RIGI: variants seen among roughly 807,000 people sequenced by gnomAD.
RIGI encodes the protein RNA sensor RIG-I.
the RIGI span, among the ~76,000 whole-genome samples, chr9:32,459,994 C>T: frequency 6.6e-6 from 1 of 151,576 alleles, no homozygotes; most frequent in African/African-American, 2.4e-5. Context: ...TGTATCTTAA[C>T]AGAATTCCCA....
the RIGI span, among the ~76,000 whole-genome samples, chr9:32,504,918 ATT>A: frequency 7.2e-6 from 1 of 138,804 alleles, no homozygotes; most frequent in Admixed American, 7.8e-5. Context: ...TATTATATCT[ATT>A]ATATATAGAT....
chr9:32,503,172 T>C, the RIGI span, among the ~76,000 whole-genome samples: 1 of 152,102 alleles, frequency 6.6e-6, no homozygotes, highest in Admixed American at 6.6e-5. Context: ...CTGCTTGAGC[T>C]TCCTTTCAAC....
At chr9:32,505,023 T>A in the RIGI span, among the ~76,000 whole-genome samples, 1 of 91,252 alleles carries the variant, frequency 1.1e-5, no homozygotes, top group Non-Finnish European at 2.8e-5. Flanking sequence ...AATATATATC[T>A]ATTATATACA....
At chr9:32,522,573 T>C in the RIGI span, among the ~76,000 whole-genome samples, 3 of 152,188 alleles carry the variant, frequency 2.0e-5, no homozygotes, top group Non-Finnish European at 4.4e-5. Flanking sequence ...AAGCCAAGTA[T>C]ATGTAACTGA....
chr9:32,479,136 CT>C, the RIGI span, among the ~76,000 whole-genome samples: 3 of 152,142 alleles, frequency 2.0e-5, no homozygotes, highest in Admixed American at 2.0e-4. Context: ...CATTGCAACC[CT>C]TGGTTGGCCA....
At chr9:32,486,495 C>G in the RIGI span, among the ~76,000 whole-genome samples, 1 of 148,782 alleles carries the variant, frequency 6.7e-6, no homozygotes, top group African/African-American at 2.5e-5. Flanking sequence ...CGCAAAGTGT[C>G]ACAAAACACA....
At chr9:32,458,907 T>G in the RIGI span, among the ~76,000 whole-genome samples, 1,603 of 150,172 alleles carry the variant, frequency 0.011, 29 homozygotes, top group African/African-American at 0.038. Context: ...TTTTTTTTTT[T>G]GAGACAGAGT....
the RIGI span, among the ~76,000 whole-genome samples, chr9:32,467,476 G>C: frequency 3.3e-5 from 5 of 152,170 alleles, no homozygotes; most frequent in Admixed American, 3.3e-4. Flanking sequence ...ACCATGAAAG[G>C]TTTACATGTT....
chr9:32,485,261 G>T, the RIGI span: 1 of 1,598,732 alleles, frequency 6.3e-7, no homozygotes, highest in Non-Finnish European at 8.5e-7. Context: ...GCTAATCCGT[G>T]ATTCCACTTT....
the RIGI span, among the ~76,000 whole-genome samples, chr9:32,472,802 T>C: frequency 6.6e-6 from 1 of 152,210 alleles, no homozygotes; most frequent in South Asian, 2.1e-4. Flanking sequence ...CCTACTGCTT[T>C]TGCTTCTGTG....
the RIGI span, among the ~76,000 whole-genome samples, chr9:32,511,405 A>C: frequency 5.3e-5 from 8 of 152,238 alleles, no homozygotes; most frequent in African/African-American, 1.9e-4. Flanking sequence ...GTGCAATCAA[A>C]TTAGAACTGA....
the RIGI span, among the ~76,000 whole-genome samples, chr9:32,476,701 G>GAGT: frequency 6.6e-6 from 1 of 151,080 alleles, no homozygotes; most frequent in African/African-American, 2.4e-5. Context: ...CTGGAGTGCA[G>GAGT]AGTACGCTGT....
the RIGI span, among the ~76,000 whole-genome samples, chr9:32,518,766 C>T: frequency 6.6e-6 from 1 of 152,242 alleles, no homozygotes; most frequent in Non-Finnish European, 1.5e-5. Flanking sequence ...CATTGCTTCA[C>T]ACTGTATTTG....
chr9:32,470,741 T>C, the RIGI span, among the ~76,000 whole-genome samples: 2 of 152,376 alleles, frequency 1.3e-5, no homozygotes, highest in South Asian at 4.1e-4. Context: ...AACTGAACTT[T>C]TGCTTGTTTA....
At chr9:32,470,978 G>T in the RIGI span, among the ~76,000 whole-genome samples, 1 of 152,246 alleles carries the variant, frequency 6.6e-6, no homozygotes, top group Admixed American at 6.5e-5. Flanking sequence ...GCTCCAATTG[G>T]CTAGGCATGG....
At chr9:32,482,836 C>T in the RIGI span, among the ~76,000 whole-genome samples, 729 of 150,936 alleles carry the variant, frequency 4.8e-3, 5 homozygotes, top group African/African-American at 0.017. Context: ...TCCAGCCTGG[C>T]GACAGAGTGA....
the RIGI span, among the ~76,000 whole-genome samples, chr9:32,516,727 T>A: frequency 1.5e-4 from 23 of 152,310 alleles, no homozygotes; most frequent in South Asian, 4.6e-3. Context: ...CTCAGTATGA[T>A]ACTCTAGAGA....
At chr9:32,491,138 T>C in the RIGI span, among the ~76,000 whole-genome samples, 1 of 152,208 alleles carries the variant, frequency 6.6e-6, no homozygotes, top group South Asian at 2.1e-4. Context: ...AATGGCATTC[T>C]AAATATAGAA....
chr9:32,466,249 G>C, the RIGI span: 2 of 1,602,798 alleles, frequency 1.2e-6, no homozygotes, highest in East Asian at 4.5e-5. Context: ...TTCCCTGATA[G>C]TTATTTATGG....
Sources: gnomAD v4.1 joint callset for allele counts (sites outside exome capture counted in the v4.1 genomes callset) on GRCh38, gnomAD v4.1.1 for gene constraint, MANE v1.5 for transcripts, NCBI Gene and HGNC (gene_info 2026-07-23, HGNC 2026-07-21) for gene names.